Variants in SLC2A10 observed in about 807,000 individuals in gnomAD.
SLC2A10 encodes the protein solute carrier family 2, facilitated glucose transporter member 10.
A neutral mutation model predicts 32.1 loss-of-function variants in SLC2A10; 25 were observed. The ratio of observed to expected loss-of-function variants is 0.78; its 90% CI spans 0.57 to 1.09. The LOEUF (loss-of-function observed/expected upper bound fraction) is 1.09. Among genes scored for constraint, SLC2A10 ranks in the 50% least tolerant of loss-of-function variants. The pLI, the probability that SLC2A10 is intolerant of heterozygous loss-of-function variation, is 0.00. For synonymous variants in SLC2A10, 332 were observed against 309.6 expected, an observed-to-expected ratio of 1.07 and a Z score of -0.76; for missense variants, 673 against 686.5, an observed-to-expected ratio of 0.98 and a Z score of 0.22.
At chr20:46,729,625 GTTTTTTTTTTTTT>G (rs68037732) in intron 4 of SLC2A10, 137 bp downstream of exon 4, 63 of 318,220 alleles carry the variant, frequency 2.0e-4, no homozygotes, top group African/African-American at 1.2e-3. Flanking sequence ...GGCACTATGA[GTTTTTTTTTTTTT>G]TTTTTTTTTT....
At chr20:46,709,630 G>A (rs991826776), upstream of SLC2A10, 11 of 1,401,856 alleles carry the variant, frequency 7.8e-6, no homozygotes, top group Admixed American at 1.9e-4. Flanking sequence ...GACAGAGGCG[G>A]GGGCGGGCCG....
chr20:46,712,956 A>G (rs1979018639), intron 1 of SLC2A10, among the ~76,000 whole-genome samples: 1 of 152,044 alleles, frequency 6.6e-6, no homozygotes, highest in Non-Finnish European at 1.5e-5. Context: ...AGCCCAGCCT[A>G]AGACATCTTA....
In SLC2A10 at chr20:46,733,743, C is replaced by A. The variant is rs1980418894; in HGVS notation, c.1548-13C>A. The stretch of plus-strand genomic sequence containing the variant: ...CTGCCACCCCCTGATCCCACGCATT[C>A]TTTGTCTGACAGGTTCACCCTGAGC... On this transcript the variant is annotated splice_polypyrimidine_tract_variant and intron_variant, in intron 4 of 4. Transcript: ENST00000359271. 6.2e-7 allele frequency: 1 copy of A among 1,613,592 alleles called. No individual in the cohort carries two copies. Among genetic ancestry groups the A allele is most frequent in the South Asian group, 1.1e-5 (1 of 91,080 alleles).
intron 1 of SLC2A10, among the ~76,000 whole-genome samples, chr20:46,718,275 T>C (rs776743653): frequency 1.3e-5 from 2 of 152,218 alleles, no homozygotes; most frequent in Non-Finnish European, 2.9e-5. Context: ...TCTGTTCTTA[T>C]GGCGCCTTCA....
chr20:46,727,477 C>G (rs1002943359), intron 3 of SLC2A10, among the ~76,000 whole-genome samples: 3 of 152,058 alleles, frequency 2.0e-5, no homozygotes, highest in Admixed American at 6.5e-5. Flanking sequence ...CCCGCCACCA[C>G]GCCCGGCTAA....
Position 46,729,433 on chromosome 20 carries a change from C to A in SLC2A10, c.1492C>A (p.Pro498Thr), listed in dbSNP as rs1980155801. 1 of 1,613,982 alleles carries A rather than the reference C, an allele frequency of 6.2e-7. No homozygotes were observed. Among genetic ancestry groups the A allele is most frequent in the Non-Finnish European group, 8.5e-7 (1 of 1,180,006 alleles). The stretch of plus-strand genomic sequence containing the variant: ...CCTGGGCTTCATCTATTTATTTGTT[C>A]CTGAAACAAAAGGCCAGTCGTTGGC... ...LGLGFIYLFV[P>T]ETKGQSLAEI... Residue 498 changes from proline (P) to threonine (T), a missense_variant, in exon 4 of 5, where the codon CCT becomes ACT. Coordinates refer to ENST00000359271, the MANE Select transcript of SLC2A10 (RefSeq NM_030777.4).
At chr20:46,726,826 CA>C in intron 2 of SLC2A10, 37 bp from the exon 3 acceptor site, 2 of 1,613,754 alleles carry the variant, frequency 1.2e-6, no homozygotes, top group Non-Finnish European at 1.7e-6. Flanking sequence ...CCCCAGGTCC[CA>C]CCACAGCCCA....
intron 4 of SLC2A10, among the ~76,000 whole-genome samples, 169 bp downstream of exon 4, chr20:46,729,657 T>C (rs1362658294): frequency 9.7e-6 from 1 of 102,574 alleles, no homozygotes; most frequent in African/African-American, 4.0e-5. Context: ...TTTTTTTTTT[T>C]TTGAGATGGA....
In SLC2A10 at chr20:46,725,733, A is replaced by C. The variant is rs190252962; in HGVS notation, c.697A>C (p.Thr233Pro). The change falls in exon 2 of 5, where the codon ACA (threonine) becomes CCA (proline). Residue 233 changes from threonine (T) to proline (P), a missense_variant. Thr to Pro is a conservative substitution (Grantham distance 38, BLOSUM62 -1). Transcript: ENST00000359271. ...RARDNMRGRT[T>P]VGLGLVLFQQ... is the part of the protein sequence containing the mutation. Reference sequence around the variant, plus strand: ...ACGCGATAACATGCGAGGCCGGACCACAGTGGGCCTGGGGCTGGTGCTCTT... The same window carrying C: ...ACGCGATAACATGCGAGGCCGGACCCCAGTGGGCCTGGGGCTGGTGCTCTT... The C allele has an allele frequency of 1.2e-6, 2 of 1,614,068 alleles. No homozygotes were observed. Among genetic ancestry groups the C allele is most frequent in the Non-Finnish European group, 1.7e-6 (2 of 1,180,048 alleles).
chr20:46,723,353 CA>C lies in SLC2A10; in HGVS notation c.5-1681del, dbSNP rs956464202. ...TGGAGAGCTTTTTTCAATGTCCCAC[CA>C]AAAAAACTCCCTCTTCCATCTTAGT... On this transcript the variant is annotated intron_variant, in intron 1 of 4. Transcript: ENST00000359271. Among the ~76,000 whole-genome samples, 16 of 152,006 alleles carry C rather than the reference CA, an allele frequency of 1.1e-4. 1 individual carries two copies. The highest frequency in any genetic ancestry group is 3.9e-4 in the African/African-American group (16 of 41,464).
intron 3 of SLC2A10, among the ~76,000 whole-genome samples, chr20:46,728,044 T>C (rs1207034268): frequency 6.6e-6 from 1 of 150,754 alleles, no homozygotes; most frequent in African/African-American, 2.4e-5. Flanking sequence ...TCCCTTTGTG[T>C]GGAGTAAATG....
intron 1 of SLC2A10, among the ~76,000 whole-genome samples, chr20:46,718,726 T>C (rs1979389199): frequency 6.6e-6 from 1 of 152,132 alleles, no homozygotes; most frequent in South Asian, 2.1e-4. Context: ...TAGGTGGTTA[T>C]TTCTATTTTG....
At chr20:46,733,676 A>G (rs916021432) in intron 4 of SLC2A10, 80 bp from the exon 5 acceptor site, 11 of 1,087,578 alleles carry the variant, frequency 1.0e-5, no homozygotes, top group Non-Finnish European at 1.4e-5. Context: ...GGGTGGTGGG[A>G]ACCCCAGTGG....
At chr20:46,724,924 T>C (rs1414017934) in intron 1 of SLC2A10, 117 bp from the exon 2 acceptor site, 1 of 1,332,276 alleles carries the variant, frequency 7.5e-7, no homozygotes, top group South Asian at 1.2e-5. Flanking sequence ...GATGGTTGAA[T>C]AGATGGAGTA....
At chr20:46,711,414 G>C (rs1978904562) in intron 1 of SLC2A10, among the ~76,000 whole-genome samples, 1 of 152,100 alleles carries the variant, frequency 6.6e-6, no homozygotes, top group Non-Finnish European at 1.5e-5. Flanking sequence ...TGGATTAATG[G>C]TAAAACTGGT....
At chr20:46,729,538 A>AGC in intron 4 of SLC2A10, 50 bp downstream of exon 4, 1 of 1,602,172 alleles carries the variant, frequency 6.2e-7, no homozygotes, top group Non-Finnish European at 8.5e-7. Context: ...GCACACCCCA[A>AGC]GCACACAGCT....
chr20:46,713,637 A>G (rs980332947), intron 1 of SLC2A10, among the ~76,000 whole-genome samples: 2 of 152,182 alleles, frequency 1.3e-5, no homozygotes, highest in African/African-American at 4.8e-5. Flanking sequence ...TGGAAGAGTG[A>G]CGAGGCCTGA....
At chr20:46,712,898 A>C (rs1600655579) in intron 1 of SLC2A10, among the ~76,000 whole-genome samples, 1 of 151,604 alleles carries the variant, frequency 6.6e-6, no homozygotes, top group East Asian at 1.9e-4. Context: ...CAAGTGATCC[A>C]CTTGCCTTAG....
chr20:46,714,491 T>C (rs1232794958), intron 1 of SLC2A10: 1 of 152,282 alleles, frequency 6.6e-6, no homozygotes, highest in East Asian at 1.9e-4. Flanking sequence ...GGAGGCTCCT[T>C]GGGGAGGTGG....
Sources: allele counts gnomAD v4.1 joint callset (sites outside exome capture counted in the v4.1 genomes callset), GRCh38; gene constraint gnomAD v4.1.1; transcripts MANE v1.5; gene names NCBI Gene and HGNC (gene_info 2026-07-23, HGNC 2026-07-21).